Variants in NSMAF observed in about 807,000 individuals in gnomAD.
The protein encoded by NSMAF is neutral sphingomyelinase activation associated factor, also known as protein FAN.
Under a neutral mutation model 134.9 loss-of-function variants are expected in NSMAF, and 90 were observed. That is an observed-to-expected ratio of 0.67 (90% CI 0.56 to 0.79). The LOEUF (loss-of-function observed/expected upper bound fraction) is 0.79, where lower values mean the gene tolerates loss of function less well. Ranked by LOEUF, NSMAF falls within the 30% of genes least tolerant of loss-of-function variation. NSMAF has a pLI of 0.00. For synonymous variants in NSMAF, 358 were observed against 389.6 expected (o/e 0.92, Z 0.96); for missense variants, 1,010 against 1,119.0 (o/e 0.90, Z 1.39).
intron 9 of NSMAF, among the ~76,000 whole-genome samples, chr8:58,622,091 T>C (rs1806799743): frequency 6.6e-6 from 1 of 152,224 alleles, no homozygotes; most frequent in Non-Finnish European, 1.5e-5. Context: ...CAACAGTTTT[T>C]ATAGTTTTAG....
intron 6 of NSMAF, among the ~76,000 whole-genome samples, chr8:58,628,288 T>C (rs1441042464): frequency 1.3e-5 from 2 of 152,056 alleles, no homozygotes. Flanking sequence ...AAATTCTACA[T>C]GATAATATTG....
At position 58,595,603 on chromosome 8, in the gene NSMAF, T is replaced by C. The variant is rs774772882; in HGVS notation, c.1849A>G (p.Ile617Val). The change falls in exon 22 of 31, where the codon ATC (isoleucine) becomes GTC (valine). Residue 617 changes from isoleucine (I) to valine (V), a missense_variant. Physicochemically the swap from Ile to Val is conservative, Grantham distance 29. Coordinates refer to ENST00000038176, the MANE Select transcript of NSMAF (RefSeq NM_003580.4). ...TGCTCGTGTAACTGCAGTTTGGTGA[T>C]GTTATTCCAGGCCAGTGTTTTGCTT... Reference protein sequence around the residue: ...EESKTLAWNNITKLQLHEHYK... With the variant: ...EESKTLAWNNVTKLQLHEHYK... 9.3e-6 allele frequency: 15 copies of C among 1,613,988 alleles called. No homozygotes were observed. Among genetic ancestry groups the C allele is most frequent in the Middle Eastern group, 3.3e-4 (2 of 6,084 alleles).
At chr8:58,603,556 T>C (rs149227756) in intron 12 of NSMAF, among the ~76,000 whole-genome samples, 170 bp from the exon 13 acceptor site, 4 of 152,350 alleles carry the variant, frequency 2.6e-5, no homozygotes, top group African/African-American at 9.6e-5. Context: ...CAGCTATGTA[T>C]AAACAGTTCC....
intron 1 of NSMAF, among the ~76,000 whole-genome samples, chr8:58,648,907 T>C (rs1807520120): frequency 6.6e-6 from 1 of 152,138 alleles, no homozygotes; most frequent in Non-Finnish European, 1.5e-5. Context: ...ACGACAGTAG[T>C]ATGAAGGGGA....
intron 9 of NSMAF, among the ~76,000 whole-genome samples, chr8:58,614,970 A>T (rs916266026): frequency 9.2e-5 from 14 of 152,148 alleles, no homozygotes; most frequent in African/African-American, 3.1e-4. Flanking sequence ...TTAAAACAGA[A>T]TAAATACACA....
intron 1 of NSMAF, among the ~76,000 whole-genome samples, chr8:58,648,612 G>T (rs1231280147): frequency 6.6e-6 from 1 of 152,196 alleles, no homozygotes; most frequent in Admixed American, 6.5e-5. Context: ...GCCAAGCCCA[G>T]CTTCCCACTA....
chr8:58,613,463 CAA>C (rs1383829080), intron 9 of NSMAF, among the ~76,000 whole-genome samples: 2 of 151,566 alleles, frequency 1.3e-5, no homozygotes, highest in East Asian at 3.9e-4. Context: ...AAAAATAACA[CAA>C]AGTGCTACAG....
At chr8:58,620,736 T>G (rs903364649) in intron 9 of NSMAF, among the ~76,000 whole-genome samples, 1 of 152,176 alleles carries the variant, frequency 6.6e-6, no homozygotes. Context: ...AATAATCATG[T>G]TTGTTTTAGG....
chr8:58,636,121 C>T (rs1185721978), intron 2 of NSMAF, among the ~76,000 whole-genome samples: 4 of 152,096 alleles, frequency 2.6e-5, no homozygotes, highest in African/African-American at 7.2e-5. Context: ...CCCAAAATTA[C>T]CCAATAGTAA....
intron 9 of NSMAF, among the ~76,000 whole-genome samples, chr8:58,615,723 G>A (rs982596649): frequency 1.3e-5 from 2 of 152,122 alleles, no homozygotes; most frequent in African/African-American, 2.4e-5. Context: ...CTATTACAAA[G>A]GAAGGAATAA....
Position 58,602,127 on chromosome 8 carries a change from A to T in NSMAF, c.1056T>A (p.Asn352Lys), listed in dbSNP as rs539693730. 29 of 1,612,890 alleles carry T rather than the reference A, an allele frequency of 1.8e-5. No homozygotes were observed. The South Asian group carries it at 3.1e-4, about 17-fold the overall frequency. Residue 352 changes from asparagine to lysine, a missense_variant, in exon 14 of 31, where the codon AAT becomes AAA. By Grantham distance (94) the Asn-to-Lys change is moderately conservative (BLOSUM62 0). Coordinates refer to ENST00000038176, the MANE Select transcript of NSMAF (RefSeq NM_003580.4). The stretch of plus-strand genomic sequence containing the variant: ...TACTGAGATCCCGGAAGGTTCCTGG[A>T]TTTGACAAATCTATAAACATAAATC... Reference protein sequence around the residue: ...DYSSSELDLSNPGTFRDLSKP... With the variant: ...DYSSSELDLSKPGTFRDLSKP...
chr8:58,604,408 A>G (rs1307260678), intron 12 of NSMAF, among the ~76,000 whole-genome samples: 2 of 151,864 alleles, frequency 1.3e-5, no homozygotes, highest in African/African-American at 4.8e-5. Flanking sequence ...ATAAAATTTA[A>G]AAACCTAGAT....
intron 2 of NSMAF, chr8:58,639,869 C>T (rs373971004): frequency 2.4e-5 from 7 of 293,510 alleles, no homozygotes; most frequent in African/African-American, 1.6e-4. Flanking sequence ...GGACATTATG[C>T]TAAGTAAAAT....
intron 20 of NSMAF, 99 bp downstream of exon 20, chr8:58,597,761 A>G (rs1806172729): frequency 1.2e-5 from 12 of 1,017,780 alleles, no homozygotes; most frequent in Non-Finnish European, 1.6e-5. Flanking sequence ...AATTCATTTT[A>G]AAATTTCCAT....
intron 1 of NSMAF, among the ~76,000 whole-genome samples, chr8:58,658,806 G>A (rs1368423956): frequency 6.6e-6 from 1 of 152,216 alleles, no homozygotes; most frequent in Non-Finnish European, 1.5e-5. Context: ...ATCTGAAAGG[G>A]AACTGCTGTG....
At chr8:58,590,719 T>C (rs1418546545) in intron 24 of NSMAF, 148 bp downstream of exon 24, 2 of 819,260 alleles carry the variant, frequency 2.4e-6, no homozygotes, top group South Asian at 1.9e-5. Context: ...ACATTGAAAT[T>C]AGAAGTAATC....
Position 58,599,854 on chromosome 8 carries a change from T to G in NSMAF, c.1349A>C (p.Tyr450Ser), listed in dbSNP as rs374565705. The G allele has an allele frequency of 2.5e-6, 4 of 1,613,776 alleles. No individual in the cohort carries two copies. The South Asian group carries it at 4.4e-5, about 18-fold the overall frequency. ...TDFKELIPEFYGDDVSFLVNS... is the reference protein window; with the variant it reads ...TDFKELIPEFSGDDVSFLVNS... ...GACTAGAAAGCTCACATCATCACCA[T>G]AGAATTCTGGAATTAACTGAAAGTT... Residue 450 changes from tyrosine to serine, a missense_variant, in exon 18 of 31, where the codon TAT becomes TCT. Physicochemically the swap from Tyr to Ser is moderately radical, Grantham distance 144. Coordinates refer to ENST00000038176, the MANE Select transcript of NSMAF (RefSeq NM_003580.4).
chr8:58,632,338 A>G (rs188511806), intron 5 of NSMAF, among the ~76,000 whole-genome samples: 1 of 152,204 alleles, frequency 6.6e-6, no homozygotes, highest in East Asian at 1.9e-4. Context: ...CCTTGGGCCC[A>G]TGACAGGTTT....
chr8:58,610,149 C>T (rs1210709127), intron 9 of NSMAF, among the ~76,000 whole-genome samples: 1 of 152,142 alleles, frequency 6.6e-6, no homozygotes, highest in Non-Finnish European at 1.5e-5. Flanking sequence ...AAGGCTCTGA[C>T]TACATAATTA....
Sources: gnomAD v4.1 joint callset for allele counts (sites outside exome capture counted in the v4.1 genomes callset) on GRCh38, gnomAD v4.1.1 for gene constraint, MANE v1.5 for transcripts, NCBI Gene and HGNC (gene_info 2026-07-23, HGNC 2026-07-21) for gene names.